DOK6: variants seen among roughly 807,000 people sequenced by gnomAD.
DOK6 encodes the protein downstream of tyrosine kinase 6.
In DOK6, 22 loss-of-function variants were observed where a neutral mutation model predicts 44.0. The ratio of observed to expected loss-of-function variants is 0.50; its 90% CI spans 0.36 to 0.71. The LOEUF (loss-of-function observed/expected upper bound fraction) is 0.71. Among genes scored for constraint, DOK6 ranks in the 30% least tolerant of loss-of-function variants. The pLI, the probability that DOK6 is intolerant of heterozygous loss-of-function variation, is 0.00. For missense variants in DOK6, 340 were observed against 416.4 expected, an observed-to-expected ratio of 0.82 and a Z score of 1.60; for synonymous variants, 166 against 145.5, an observed-to-expected ratio of 1.14 and a Z score of -1.01.
chr18:69,569,683 G>A (rs192081623), intron 2 of DOK6, among the ~76,000 whole-genome samples: 84 of 152,226 alleles, frequency 5.5e-4, no homozygotes, highest in African/African-American at 2.0e-3. Context: ...TTTAAAAAAA[G>A]TATTTTTGGC....
intron 1 of DOK6, among the ~76,000 whole-genome samples, chr18:69,523,859 A>C (rs12327317): frequency 0.61 from 92,929 of 151,346 alleles, 29,174 homozygotes; most frequent in Non-Finnish European, 0.69. Context: ...AACGATTTGA[A>C]CGACAGAGAA....
chr18:69,704,517 C>T (rs1228612579), intron 5 of DOK6, among the ~76,000 whole-genome samples: 8 of 129,962 alleles, frequency 6.2e-5, no homozygotes, highest in African/African-American at 1.8e-4. Flanking sequence ...CTTGCTCTGT[C>T]GCCCAGGCTG....
intron 1 of DOK6, among the ~76,000 whole-genome samples, chr18:69,509,117 C>A (rs888999342): frequency 2.0e-5 from 3 of 152,280 alleles, no homozygotes; most frequent in Non-Finnish European, 2.9e-5. Context: ...GTAAGACACA[C>A]CCTGTCCACC....
chr18:69,436,952 G>A (rs144173811), intron 1 of DOK6, among the ~76,000 whole-genome samples: 6 of 151,840 alleles, frequency 4.0e-5, no homozygotes, highest in African/African-American at 1.4e-4. Context: ...CTGCATAAAC[G>A]TCTTTTGAGA....
intron 3 of DOK6, among the ~76,000 whole-genome samples, chr18:69,610,778 T>C (rs1489071108): frequency 6.6e-6 from 1 of 152,226 alleles, no homozygotes; most frequent in Non-Finnish European, 1.5e-5. Flanking sequence ...ATATTATAAG[T>C]AATCAGGATG....
chr18:69,707,413 C>G (rs1986658655), intron 5 of DOK6, among the ~76,000 whole-genome samples: 1 of 152,200 alleles, frequency 6.6e-6, no homozygotes, highest in Non-Finnish European at 1.5e-5. Flanking sequence ...GAGGCAAGAG[C>G]TTTACCGAAT....
chr18:69,643,533 T>C (rs1425322727), intron 3 of DOK6: 7 of 152,184 alleles, frequency 4.6e-5, no homozygotes, highest in East Asian at 3.8e-4. Context: ...CTTTTGGGGA[T>C]TGGCTTTTTT....
chr18:69,611,818 T>C (rs1434221080), intron 3 of DOK6, among the ~76,000 whole-genome samples: 1 of 152,150 alleles, frequency 6.6e-6, no homozygotes, highest in Non-Finnish European at 1.5e-5. Context: ...AAGTTAGGAA[T>C]GGGGCTGGAA....
chr18:69,523,461 A>G (rs1981743152), intron 1 of DOK6, among the ~76,000 whole-genome samples: 1 of 152,066 alleles, frequency 6.6e-6, no homozygotes, highest in Admixed American at 6.6e-5. Context: ...TAATTACCTT[A>G]TCACCTGAAG....
intron 7 of DOK6, among the ~76,000 whole-genome samples, chr18:69,812,149 A>G (rs75290875): frequency 0.014 from 2,110 of 152,272 alleles, 47 homozygotes; most frequent in African/African-American, 0.047. Flanking sequence ...TGAAGGGAAA[A>G]TTAACCACAG....
chr18:69,474,684 C>T (rs958424101), intron 1 of DOK6, among the ~76,000 whole-genome samples: 7 of 152,124 alleles, frequency 4.6e-5, no homozygotes, highest in African/African-American at 1.7e-4. Flanking sequence ...CCTTCTTTGG[C>T]AAGAAAATCT....
chr18:69,496,488 T>A (rs1313960019), intron 1 of DOK6, among the ~76,000 whole-genome samples: 1 of 152,244 alleles, frequency 6.6e-6, no homozygotes, highest in Non-Finnish European at 1.5e-5. Context: ...ATCAGTGCTA[T>A]CTCGTTCAGC....
At chr18:69,803,641 A>T (rs1980966631) in intron 7 of DOK6, among the ~76,000 whole-genome samples, 1 of 152,216 alleles carries the variant, frequency 6.6e-6, no homozygotes. Context: ...AGGCAGGTGG[A>T]TCACGAGGTC....
intron 7 of DOK6, among the ~76,000 whole-genome samples, chr18:69,777,643 T>C (rs1260238638): frequency 2.0e-5 from 3 of 151,754 alleles, no homozygotes; most frequent in Non-Finnish European, 2.9e-5. Context: ...TGAGATGATA[T>C]ATTTAATTCA....
At chr18:69,481,503 G>C (rs1221571790) in intron 1 of DOK6, among the ~76,000 whole-genome samples, 1 of 152,044 alleles carries the variant, frequency 6.6e-6, no homozygotes, top group African/African-American at 2.4e-5. Flanking sequence ...GATAGTTTCT[G>C]TGAATGATGG....
chr18:69,735,672 A>G (rs1356419391), intron 5 of DOK6, among the ~76,000 whole-genome samples: 1 of 152,222 alleles, frequency 6.6e-6, no homozygotes. Flanking sequence ...TCAGCTATTC[A>G]GGCTCCAGGC....
chr18:69,627,237 G>A (rs1984577804), intron 3 of DOK6, among the ~76,000 whole-genome samples: 1 of 152,116 alleles, frequency 6.6e-6, no homozygotes, highest in African/African-American at 2.4e-5. Flanking sequence ...ACTCAGAGAA[G>A]AGAAATGCCT....
At chr18:69,638,144 A>C (rs1413347879) in intron 3 of DOK6, among the ~76,000 whole-genome samples, 1 of 152,236 alleles carries the variant, frequency 6.6e-6, no homozygotes, top group African/African-American at 2.4e-5. Context: ...CATGTGTGTC[A>C]TAAAGTCTCT....
At chr18:69,420,389 C>A (rs1978456688) in intron 1 of DOK6, among the ~76,000 whole-genome samples, 1 of 152,080 alleles carries the variant, frequency 6.6e-6, no homozygotes, top group East Asian at 1.9e-4. Flanking sequence ...ATCATCCCAA[C>A]AATATGAATT....
Sources: allele counts gnomAD v4.1 joint callset (sites outside exome capture counted in the v4.1 genomes callset), GRCh38; gene constraint gnomAD v4.1.1; transcripts MANE v1.5; gene names NCBI Gene and HGNC (gene_info 2026-07-23, HGNC 2026-07-21).